The following SZT2 variants were observed in gnomAD, a reference collection of about 807,000 sequenced individuals.
SZT2 encodes KICSTOR complex protein SZT2.
SZT2 carries 216 observed loss-of-function variants against 404.2 expected under a neutral mutation model. That is an observed-to-expected ratio of 0.53 (90% CI 0.48 to 0.60). The LOEUF (loss-of-function observed/expected upper bound fraction) is 0.60. SZT2 is among the 20% of genes least tolerant of loss of function. The pLI, the probability that SZT2 is intolerant of heterozygous loss-of-function variation, is 0.00. For synonymous variants in SZT2, 1,693 were observed against 1,749.9 expected, an observed-to-expected ratio of 0.97 and a Z score of 0.81; for missense variants, 3,857 against 4,459.2, an observed-to-expected ratio of 0.86 and a Z score of 3.85.
At position 43,453,501 on chromosome 1, in the gene SZT2, C is replaced by T; in HGVS notation, c.*3021C>T. The T allele has an allele frequency of 2.6e-6, 4 of 1,549,040 alleles. No homozygotes were observed. Among genetic ancestry groups the T allele is most frequent in the Non-Finnish European group, 3.5e-6 (4 of 1,145,494 alleles). The stretch of plus-strand genomic sequence containing the variant: ...ATTTCCCCCTTCTCTTGGTCTCCTG[C>T]AGAGAGAACGGGCCTCAGCCCCCGG... On this transcript the variant is annotated 3_prime_UTR_variant, in exon 72 of 72. Coordinates refer to ENST00000634258, the MANE Select transcript of SZT2 (RefSeq NM_001365999.1).
Position 43,415,950 on chromosome 1 carries a change from C to T in SZT2, c.631-10C>T. On this transcript the variant is annotated splice_polypyrimidine_tract_variant and intron_variant, in intron 5 of 71. Transcript: ENST00000634258. ...CTGCCCCATTCTGTCTTTTCTGTAA[C>T]TTGGGGCAGGCAGAAGACCAGTCCC... 2 of 1,594,598 alleles carry T rather than the reference C, an allele frequency of 1.3e-6. No homozygotes were observed. Among genetic ancestry groups the T allele is most frequent in the East Asian group, 2.2e-5 (1 of 44,782 alleles).
chr1:43,390,097 C>T, intron 1 of SZT2, 102 bp downstream of exon 1: 1 of 1,287,176 alleles, frequency 7.8e-7, no homozygotes, highest in Non-Finnish European at 1.0e-6. Context: ...GGTGGCCGGG[C>T]TGCGTAGCCT....
rs559741798 is a variant in SZT2 at position 43,446,193 on chromosome 1, G to A, written c.8931G>A (p.Pro2977=). The A allele has an allele frequency of 1.4e-5, 23 of 1,614,172 alleles. No individual in the cohort carries two copies. The East Asian group carries it at 2.0e-4, about 14-fold the overall frequency. Residue 2977 remains proline (P), a synonymous_variant, in exon 64 of 72, where the codon CCG becomes CCA. Coordinates refer to ENST00000634258, the MANE Select transcript of SZT2 (RefSeq NM_001365999.1). ...TGTTTCTTCAGAGCACTAGCTCTCC[G>A]GTAACCACCTACCACCTGCAGCGGG... is the stretch of plus-strand genomic sequence containing the variant. The part of the protein sequence containing the change: ...TDGSPKSTSS[P]VTTYHLQRAL...
chr1:43,419,012 A>G (rs973094017), intron 7 of SZT2, among the ~76,000 whole-genome samples: 2 of 152,250 alleles, frequency 1.3e-5, no homozygotes, highest in African/African-American at 4.8e-5. Flanking sequence ...ATGAGAGTTA[A>G]GGAACTGAGA....
intron 4 of SZT2, chr1:43,405,833 T>C (rs1440750877): frequency 6.6e-6 from 1 of 152,250 alleles, no homozygotes; most frequent in African/African-American, 2.4e-5. Context: ...TTGGTTCAGG[T>C]TGGCAAACAC....
In SZT2 at chr1:43,426,379, G is replaced by A; in HGVS notation, c.3055G>A (p.Val1019Ile). 1.3e-6 allele frequency: 2 copies of A among 1,560,366 alleles called. No homozygotes were observed. The highest frequency in any genetic ancestry group is 1.4e-5 in the African/African-American group (1 of 74,058). The change falls in exon 22 of 72, where the codon GTC becomes ATC. Residue 1019 changes from valine (V) to isoleucine (I), a missense_variant. By Grantham distance (29) the Val-to-Ile change is conservative (BLOSUM62 3). Coordinates refer to ENST00000634258, the MANE Select transcript of SZT2 (RefSeq NM_001365999.1). The surrounding 1 kb of genome is among the most constrained non-coding windows in gnomAD (Gnocchi z 4.9). ...FLLLAREPEG[V>I]PFAEGSCPAN... ...TGTGTGTCGGGCAGAGCCAGAGGGT[G>A]TCCCTTTCGCCGAGGGGTCCTGTCC...
At chr1:43,447,377 C>T (rs569017568) in intron 66 of SZT2, among the ~76,000 whole-genome samples, 168 bp from the exon 67 acceptor site, 1 of 152,254 alleles carries the variant, frequency 6.6e-6, no homozygotes, top group Non-Finnish European at 1.5e-5. Flanking sequence ...CCCTCTGAGT[C>T]ACTTCTGTCC....
Position 43,415,997 on chromosome 1 carries a change from G to T in SZT2, c.668G>T (p.Gly223Val). Reference protein sequence around the residue: ...DQSPDSGDLLGRKVGVSMVTA... With the variant: ...DQSPDSGDLLVRKVGVSMVTA... ...TCCCCAGACTCAGGGGACCTACTGG[G>T]CCGGAAGGTAGGCGTCTCCATGGTG... Residue 223 changes from glycine (G) to valine (V), a missense_variant, in exon 6 of 72, where the codon GGC becomes GTC. Physicochemically the swap from Gly to Val is moderately radical, Grantham distance 109. Around this residue, in one of 7 missense-constraint regions of SZT2, gnomAD observed 536 missense variants for 637.4 expected, o/e 0.84. Coordinates refer to ENST00000634258, the MANE Select transcript of SZT2 (RefSeq NM_001365999.1). 6.3e-7 allele frequency: 1 copy of T among 1,598,146 alleles called. No individual in the cohort carries two copies. The highest frequency in any genetic ancestry group is 1.1e-5 in the South Asian group (1 of 91,002).
chr1:43,396,757 G>T (rs1340356729), intron 1 of SZT2, among the ~76,000 whole-genome samples: 1 of 152,110 alleles, frequency 6.6e-6, no homozygotes, highest in East Asian at 1.9e-4. Context: ...AAAGCTAATG[G>T]AACATAAAGC....
intron 46 of SZT2, 150 bp from the exon 47 acceptor site, chr1:43,438,549 G>A: frequency 1.4e-6 from 1 of 702,424 alleles, no homozygotes; most frequent in East Asian, 2.7e-5. Flanking sequence ...TGGCAGAATT[G>A]GAACCTAGTG....
Position 43,447,883 on chromosome 1 carries a change from C to A in SZT2, c.9475C>A (p.His3159Asn), listed in dbSNP as rs141553979. 1.2e-6 allele frequency: 2 copies of A among 1,613,994 alleles called. No individual in the cohort carries two copies. Among genetic ancestry groups the A allele is most frequent in the African/African-American group, 2.7e-5 (2 of 74,892 alleles). Residue 3159 changes from histidine (H) to asparagine (N), a missense_variant, in exon 68 of 72, where the codon CAC becomes AAC. Transcript: ENST00000634258. ...CTACCTGGACTCTGAGGGACTTCGA[C>A]ACCAGGATGACTTTGATGTGTCTCT... ...GSYLDSEGLR[H>N]QDDFDVSLLV... is the part of the protein sequence containing the mutation.
intron 4 of SZT2, among the ~76,000 whole-genome samples, chr1:43,411,769 C>CTTTTTTTTT (rs386366817): frequency 9.5e-5 from 7 of 74,046 alleles, no homozygotes; most frequent in East Asian, 4.8e-4. Context: ...CATCCACTAT[C>CTTTTTTTTT]TTTTTTTTTT....
At chr1:43,418,470 C>T (rs1423114931) in intron 7 of SZT2, among the ~76,000 whole-genome samples, 2 of 152,270 alleles carry the variant, frequency 1.3e-5, no homozygotes, top group Middle Eastern at 3.4e-3. Flanking sequence ...GAAGGGCCTC[C>T]GATTTCTCTC....
rs897490203 is a variant in SZT2 at position 43,453,847 on chromosome 1, C to T, written c.*3367C>T. The T allele has an allele frequency of 5.7e-6, 6 of 1,052,706 alleles. No individual in the cohort carries two copies. The highest frequency in any genetic ancestry group is 7.1e-6 in the Non-Finnish European group (6 of 842,354). The allele number at this position is 1,052,706 out of a possible 1,614,324, so 65.2% of individuals were successfully genotyped here. ...CGCGGGATCCAAAGGCGGCGGGCGGCGGGCGGCGGGCGGCGGGCGGGGGCG... is the reference window on the plus strand; with the variant it reads ...CGCGGGATCCAAAGGCGGCGGGCGGTGGGCGGCGGGCGGCGGGCGGGGGCG... On this transcript the variant is annotated 3_prime_UTR_variant, in exon 72 of 72. Coordinates refer to ENST00000634258, the MANE Select transcript of SZT2 (RefSeq NM_001365999.1).
intron 31 of SZT2, 26 bp from the exon 32 acceptor site, chr1:43,430,470 A>T (rs763505619): frequency 6.2e-7 from 1 of 1,610,230 alleles, no homozygotes; most frequent in Admixed American, 1.7e-5. Flanking sequence ...AGCCTCTCTC[A>T]TTGACCATGT....
intron 1 of SZT2, among the ~76,000 whole-genome samples, chr1:43,395,534 C>A (rs1157602226): frequency 6.6e-6 from 1 of 152,186 alleles, no homozygotes; most frequent in Admixed American, 6.5e-5. Context: ...TCCTGAGGCT[C>A]AAGTAATCCG....
At position 43,452,322 on chromosome 1, in the gene SZT2, G is replaced by A; in HGVS notation, c.*1842G>A. 6.2e-7 allele frequency: 1 copy of A among 1,611,764 alleles called. No homozygotes were observed. Among genetic ancestry groups the A allele is most frequent in the African/African-American group, 1.3e-5 (1 of 74,994 alleles). On this transcript the variant is annotated 3_prime_UTR_variant, in exon 72 of 72. Coordinates refer to ENST00000634258, the MANE Select transcript of SZT2 (RefSeq NM_001365999.1). ...CTCGGCCAGCCATCAGGTGGATCCTGTGGGGAAGATGGACTGGAGGCCTTG... is the reference window on the plus strand; with the variant it reads ...CTCGGCCAGCCATCAGGTGGATCCTATGGGGAAGATGGACTGGAGGCCTTG...
chr1:43,447,031 A>G lies in SZT2; in HGVS notation c.9149A>G (p.His3050Arg), dbSNP rs1259977691. 1 of 1,613,984 alleles carries G rather than the reference A, an allele frequency of 6.2e-7. No individual in the cohort carries two copies. Among genetic ancestry groups the G allele is most frequent in the Admixed American group, 1.7e-5 (1 of 60,022 alleles). ...MHVHSFSYDF[H>R]LRLVHQHVLG... The stretch of plus-strand genomic sequence containing the variant: ...GTGCACTCGTTCAGCTATGACTTCC[A>G]TCTGCGCCTCGTGCATCAGCACGTG... The change falls in exon 66 of 72, where the codon CAT (histidine) becomes CGT (arginine). Residue 3050 changes from histidine to arginine, a missense_variant. This residue lies in a region of SZT2 where 717 missense variants were observed against 868.2 expected (regional missense o/e 0.83). Transcript: ENST00000634258.
Position 43,442,763 on chromosome 1 carries a change from A to T in SZT2, c.8152-56A>T, listed in dbSNP as rs1159321870. ...GTCTGAGAGAGGAAGCCCTGGGATG[A>T]GAGAGAGGGTCCGAGGGCAAAGGCT... On this transcript the variant is annotated intron_variant, in intron 58 of 71. Transcript: ENST00000634258. The surrounding 1 kb of genome is among the most constrained non-coding windows in gnomAD (Gnocchi z 4.5). 1.9e-6 allele frequency: 3 copies of T among 1,542,886 alleles called. No homozygotes were observed. In the African/African-American group the frequency reaches 4.1e-5, roughly 21 times the overall value.
Sources: allele counts gnomAD v4.1 joint callset (sites outside exome capture counted in the v4.1 genomes callset), GRCh38; gene constraint gnomAD v4.1.1; regional missense constraint gnomAD v4.1.1; non-coding constraint Gnocchi (gnomAD v3.1); transcripts MANE v1.5; gene names NCBI Gene and HGNC (gene_info 2026-07-23, HGNC 2026-07-21).